The following AIFM2 variants were observed in gnomAD, a reference collection of about 807,000 sequenced individuals.
The protein encoded by AIFM2 is AIF family member 2, ferroptosis suppressor, also known as ferroptosis suppressor protein 1.
A neutral mutation model predicts 35.7 loss-of-function variants in AIFM2; 38 were observed. The observed-to-expected ratio is 1.06, with a 90% CI of 0.82 to 1.39. The LOEUF (loss-of-function observed/expected upper bound fraction) is 1.39. AIFM2 is among the 40% of genes most tolerant of loss of function. The pLI is 0.00. For synonymous variants in AIFM2, 185 were observed against 203.5 expected (o/e 0.91, Z 0.77); for missense variants, 476 against 491.2 (o/e 0.97, Z 0.29).
chr10:70,119,826 C>G (rs2072478521), intron 5 of AIFM2, among the ~76,000 whole-genome samples: 1 of 152,238 alleles, frequency 6.6e-6, no homozygotes, highest in African/African-American at 2.4e-5. Flanking sequence ...ACGTTTCTCA[C>G]TCAGCCCTTG....
At chr10:70,124,948 G>A (rs1224916682) in intron 1 of AIFM2, among the ~76,000 whole-genome samples, 2 of 152,130 alleles carry the variant, frequency 1.3e-5, no homozygotes, top group Non-Finnish European at 2.9e-5. Flanking sequence ...GGCCTAATCG[G>A]AGGTGTTTGG....
At position 70,115,037 on chromosome 10, in the gene AIFM2, C is replaced by T; in HGVS notation, c.853G>A (p.Asp285Asn). 1.2e-6 allele frequency: 2 copies of T among 1,614,222 alleles called. No homozygotes were observed. Among genetic ancestry groups the T allele is most frequent in the Non-Finnish European group, 1.7e-6 (2 of 1,180,040 alleles). The change falls in exon 8 of 9, where the codon GAC becomes AAC. Residue 285 changes from aspartate to asparagine, a missense_variant. Transcript: ENST00000307864. ...TTGGGCGTCCTCACGTCGGCACAGT[C>T]ACCAATGGCGTAGACGTTGCTGTGG... is the stretch of plus-strand genomic sequence containing the variant. ...EGHSNVYAIG[D>N]CADVRTPKMA...
At chr10:70,126,386 A>G (rs991516142) in intron 1 of AIFM2, among the ~76,000 whole-genome samples, 2 of 152,190 alleles carry the variant, frequency 1.3e-5, no homozygotes, top group Non-Finnish European at 2.9e-5. Flanking sequence ...GCGAAGGAGG[A>G]AGTAGACTCT....
rs1014132622 is a variant in AIFM2 at position 70,113,976 on chromosome 10, A to T, written c.*202T>A. On this transcript the variant is annotated 3_prime_UTR_variant, in exon 9 of 9. Transcript: ENST00000307864. The stretch of plus-strand genomic sequence containing the variant: ...AGCAAGCACACCTTCCAAACCCAGA[A>T]AGTATCCTCTAAGGGGGGTATTTGT... The T allele has an allele frequency of 7.6e-6, 5 of 654,912 alleles. No individual in the cohort carries two copies. Among genetic ancestry groups the T allele is most frequent in the African/African-American group, 7.4e-5 (4 of 54,334 alleles). The allele number at this position is 654,912 out of a possible 1,614,324, so 40.6% of individuals were successfully genotyped here.
At chr10:70,129,315 G>C (rs1202165500) in intron 1 of AIFM2, among the ~76,000 whole-genome samples, 1 of 151,720 alleles carries the variant, frequency 6.6e-6, no homozygotes, top group African/African-American at 2.4e-5. Context: ...TTTTAGCATG[G>C]TGCCTGGCAC....
rs773537441 is a variant in AIFM2 at position 70,116,712 on chromosome 10, G to C, written c.679C>G (p.Gln227Glu). 1 of 1,614,198 alleles carries C rather than the reference G, an allele frequency of 6.2e-7. No homozygotes were observed. The highest frequency in any genetic ancestry group is 1.7e-5 in the Admixed American group (1 of 60,024). The change falls in exon 7 of 9, where the codon CAG becomes GAG. Residue 227 changes from glutamine to glutamate, a missense_variant. Coordinates refer to ENST00000307864, the MANE Select transcript of AIFM2 (RefSeq NM_032797.6). Reference protein sequence around the residue: ...LNEYREYIKVQTDKGTEVATN... With the variant: ...LNEYREYIKVETDKGTEVATN... ...GCCACCTCTGTGCCTTTGTCCGTCT[G>C]CACTTTGATGTACTCTCGATACTCA... is the stretch of plus-strand genomic sequence containing the variant.
Position 70,113,554 on chromosome 10 carries a change from G to A in AIFM2, c.*624C>T, listed in dbSNP as rs953900615. 2 of 152,160 alleles carry A rather than the reference G, an allele frequency of 1.3e-5. No individual in the cohort carries two copies. The highest frequency in any genetic ancestry group is 2.9e-5 in the Non-Finnish European group (2 of 68,038). The allele number at this position is 152,160 out of a possible 1,614,324, so 9.4% of individuals were successfully genotyped here. A position where few individuals can be genotyped will look rare whatever the true frequency, so the allele number is the denominator to read the frequency against. On this transcript the variant is annotated 3_prime_UTR_variant, in exon 9 of 9. Coordinates refer to ENST00000307864, the MANE Select transcript of AIFM2 (RefSeq NM_032797.6). ...ATAAATAAACAAACAAACAAATAAA[G>A]TGGAAATGTAGGAAGGCCATGAGGC...
In AIFM2 at chr10:70,114,975, G is replaced by T. The variant is rs12255986; in HGVS notation, c.915C>A (p.Ala305=). The change falls in exon 8 of 9, where the codon GCC becomes GCA. Residue 305 remains alanine, a synonymous_variant. Coordinates refer to ENST00000307864, the MANE Select transcript of AIFM2 (RefSeq NM_032797.6). ...TCACAGAGTTGACGATGTTGGCCAC[G>T]GCGATGTTGGCGTGGAGGCCGGCAA... ...AYLAGLHANI[A]VANIVNSVKQ... 1 of 1,614,196 alleles carries T rather than the reference G, an allele frequency of 6.2e-7. No homozygotes were observed. Among genetic ancestry groups the T allele is most frequent in the South Asian group, 1.1e-5 (1 of 91,078 alleles).
At chr10:70,121,570 C>T (rs906229854) in intron 3 of AIFM2, among the ~76,000 whole-genome samples, 1 of 151,972 alleles carries the variant, frequency 6.6e-6, no homozygotes, top group African/African-American at 2.4e-5. Flanking sequence ...CAGAACCTCC[C>T]GGGTGTTTTA....
chr10:70,121,866 CG>C (rs2072512018), intron 3 of AIFM2, among the ~76,000 whole-genome samples: 2 of 151,562 alleles, frequency 1.3e-5, no homozygotes, highest in African/African-American at 2.4e-5. Flanking sequence ...CCAAGGCGGG[CG>C]GATCACCTGA....
chr10:70,130,720 T>C (rs1050702893), intron 1 of AIFM2, among the ~76,000 whole-genome samples: 1 of 152,132 alleles, frequency 6.6e-6, no homozygotes, highest in Non-Finnish European at 1.5e-5. Flanking sequence ...TAACTTGAAG[T>C]TTAACTTTTT....
intron 7 of AIFM2, among the ~76,000 whole-genome samples, chr10:70,115,566 A>G (rs2072427084): frequency 6.6e-6 from 1 of 152,256 alleles, no homozygotes; most frequent in Admixed American, 6.5e-5. Flanking sequence ...CAGGAGCTCA[A>G]GACCAGTCTG....
chr10:70,123,547 T>C (rs1305176965), intron 2 of AIFM2, 27 bp from the exon 3 acceptor site: 5 of 1,601,742 alleles, frequency 3.1e-6, no homozygotes, highest in Non-Finnish European at 2.6e-6. Flanking sequence ...GAAGAGGTCA[T>C]AGGGCAGAGC....
chr10:70,132,763 C>CA lies in AIFM2; in HGVS notation c.-44_-43insT, dbSNP rs2072641253. ...CGGCCGCGCCCGCGCGCTCTCGCTC[C>CA]GGCTCCCGCTCCCGCTCCCGCTCCC... On this transcript the variant is annotated 5_prime_UTR_variant, in exon 1 of 9. Transcript: ENST00000307864. 2.0e-5 allele frequency: 3 copies of CA among 150,576 alleles called. No individual in the cohort carries two copies. Among genetic ancestry groups the CA allele is most frequent in the African/African-American group, 7.5e-5 (3 of 40,014 alleles). The allele number at this position is 150,576 out of a possible 1,614,324, so 9.3% of individuals were successfully genotyped here. A position where few individuals can be genotyped will look rare whatever the true frequency, so the allele number is the denominator to read the frequency against.
chr10:70,131,347 G>A lies in AIFM2; in HGVS notation c.-14+1387C>T, dbSNP rs1438128287. On this transcript the variant is annotated intron_variant, in intron 1 of 8. Transcript: ENST00000307864. This position sits in a 1 kb window ranked among gnomAD's most constrained non-coding sequence, Gnocchi z 4.1. ...CACCATGGAGGTTTCCTCCACCTGC[G>A]GGACACAGCAGGATGGAGACGGTTG... is the stretch of plus-strand genomic sequence containing the variant. 4.6e-5 allele frequency among the ~76,000 whole-genome samples: 7 copies of A among 152,268 alleles called. No individual in the cohort carries two copies. In the East Asian group the frequency reaches 5.8e-4, roughly 13 times the overall value.
Position 70,121,443 on chromosome 10 carries a change from T to G in AIFM2, c.295-232A>C, listed in dbSNP as rs377479863. ...TGGGGAAAGACCTAAGGAAGTAGAG[T>G]TTACCTCCGCGTGGAGAATGTGGGG... is the stretch of plus-strand genomic sequence containing the variant. On this transcript the variant is annotated intron_variant, in intron 3 of 8. Transcript: ENST00000307864. 1.1e-4 allele frequency among the ~76,000 whole-genome samples: 16 copies of G among 151,814 alleles called. No individual in the cohort carries two copies. In the East Asian group the frequency reaches 3.1e-3, roughly 29 times the overall value.
rs141869453 is a variant in AIFM2, at chr10:70,123,477, C to T, written c.222G>A (p.Lys74=). 2 of 1,614,010 alleles carry T rather than the reference C, an allele frequency of 1.2e-6. No homozygotes were observed. Among genetic ancestry groups the T allele is most frequent in the African/African-American group, 2.7e-5 (2 of 74,914 alleles). Residue 74 remains lysine, a synonymous_variant, in exon 3 of 9, where the codon AAG becomes AAA. Coordinates refer to ENST00000307864, the MANE Select transcript of AIFM2 (RefSeq NM_032797.6). ...KTFISYSVTF[K]DNFRQGLVVG... is the part of the protein sequence containing the mutation. ...CTACTAGCCCCTGCCGGAAGTTGTC[C>T]TTGAAAGTCACCGAGTAAGAAATGA...
At chr10:70,125,760 T>C (rs1304368990) in intron 1 of AIFM2, among the ~76,000 whole-genome samples, 2 of 152,184 alleles carry the variant, frequency 1.3e-5, no homozygotes, top group Non-Finnish European at 2.9e-5. Context: ...CATGAACCAC[T>C]GCACCCAGTC....
Position 70,115,366 on chromosome 10 carries a change from T to A in AIFM2, c.770-246A>T, listed in dbSNP as rs10999146. On this transcript the variant is annotated intron_variant, in intron 7 of 8. Coordinates refer to ENST00000307864, the MANE Select transcript of AIFM2 (RefSeq NM_032797.6). Reference sequence around the variant, plus strand: ...AAGGTTGCTGATGCCAGAGTGGAAATGGGTCAAAATACCAACAAGCCTCCT... The same window carrying A: ...AAGGTTGCTGATGCCAGAGTGGAAAAGGGTCAAAATACCAACAAGCCTCCT... 2.9e-3 allele frequency among the ~76,000 whole-genome samples: 441 copies of A among 152,330 alleles called. 15 individuals carry two copies. In the East Asian group the frequency reaches 0.047, roughly 16 times the overall value.
Sources: allele counts gnomAD v4.1 joint callset (sites outside exome capture counted in the v4.1 genomes callset), GRCh38; gene constraint gnomAD v4.1.1; non-coding constraint Gnocchi (gnomAD v3.1); transcripts MANE v1.5; gene names NCBI Gene and HGNC (gene_info 2026-07-23, HGNC 2026-07-21).